The following SAMMSON variants were observed in gnomAD, a reference collection of about 807,000 sequenced individuals.
SAMMSON encodes survival associated mitochondrial melanoma specific oncogenic non-coding RNA.
At chr3:70,324,652 A>C (rs1702566248) in intron 7 of SAMMSON, among the ~76,000 whole-genome samples, 1 of 152,192 alleles carries the variant, frequency 6.6e-6, no homozygotes, top group South Asian at 2.1e-4. Flanking sequence ...TCAGTCAAAA[A>C]TTGAATGCAA....
At chr3:70,222,485 T>C (rs1396092034) in intron 4 of SAMMSON, among the ~76,000 whole-genome samples, 3 of 152,210 alleles carry the variant, frequency 2.0e-5, no homozygotes, top group Admixed American at 6.5e-5. Flanking sequence ...TTTGGATAGG[T>C]TGGTTTTCGG....
intron 7 of SAMMSON, among the ~76,000 whole-genome samples, chr3:70,306,769 G>A (rs1702404995): frequency 6.6e-6 from 1 of 152,026 alleles, no homozygotes; most frequent in South Asian, 2.1e-4. Flanking sequence ...TGAATAAAAT[G>A]TCCCACTAAA....
At chr3:70,383,750 A>G (rs1230060446) in intron 9 of SAMMSON, among the ~76,000 whole-genome samples, 1 of 152,014 alleles carries the variant, frequency 6.6e-6, no homozygotes, top group Non-Finnish European at 1.5e-5. Flanking sequence ...AAAAAGCCTT[A>G]GGCTAACTGT....
intron 9 of SAMMSON, among the ~76,000 whole-genome samples, chr3:70,384,139 G>A (rs1703101081): frequency 6.6e-6 from 1 of 152,020 alleles, no homozygotes; most frequent in African/African-American, 2.4e-5. Context: ...ATCTACACCA[G>A]TCACACTGAG....
intron 4 of SAMMSON, among the ~76,000 whole-genome samples, chr3:70,223,521 G>A (rs564608527): frequency 2.6e-5 from 4 of 152,186 alleles, no homozygotes; most frequent in East Asian, 1.9e-4. Flanking sequence ...GGAAACTAGC[G>A]CAGTGCCTCA....
At chr3:70,024,639 A>G (rs2067030119) in intron 3 of SAMMSON, among the ~76,000 whole-genome samples, 1 of 152,212 alleles carries the variant, frequency 6.6e-6, no homozygotes, top group African/African-American at 2.4e-5. Context: ...TCCTTGAAAG[A>G]TACTTACATG....
intron 3 of SAMMSON, chr3:70,069,357 A>G (rs1392102160): frequency 6.6e-6 from 1 of 152,124 alleles, no homozygotes; most frequent in East Asian, 1.9e-4. Flanking sequence ...ACTGGCCAAG[A>G]GACAGAAAGA....
chr3:70,306,301 C>T (rs568002189), intron 7 of SAMMSON, among the ~76,000 whole-genome samples: 4 of 152,120 alleles, frequency 2.6e-5, no homozygotes, highest in South Asian at 2.1e-4. Flanking sequence ...TTAGTAAAGA[C>T]GGGGTTTCAC....
At chr3:70,389,451 C>T (rs1701024076) in intron 9 of SAMMSON, 1 of 152,102 alleles carries the variant, frequency 6.6e-6, no homozygotes, top group African/African-American at 2.4e-5. Flanking sequence ...ACATAGTTCT[C>T]TTGATCTTCT....
At chr3:70,087,621 A>G (rs1202876015) in intron 4 of SAMMSON, among the ~76,000 whole-genome samples, 2 of 152,158 alleles carry the variant, frequency 1.3e-5, no homozygotes, top group African/African-American at 4.8e-5. Context: ...GACTCAGTAG[A>G]AAACATGAGA....
intron 4 of SAMMSON, among the ~76,000 whole-genome samples, chr3:70,112,589 C>T (rs555768993): frequency 6.6e-6 from 1 of 152,172 alleles, no homozygotes; most frequent in East Asian, 1.9e-4. Flanking sequence ...ATAGTTCACC[C>T]TAATGCCACG....
At chr3:70,003,430 G>A (rs1313807006) in intron 1 of SAMMSON, among the ~76,000 whole-genome samples, 1 of 151,628 alleles carries the variant, frequency 6.6e-6, no homozygotes, top group Non-Finnish European at 1.5e-5. Context: ...AAATTTTATT[G>A]AAGAGTTTTT....
chr3:70,240,297 A>G (rs1701654431), intron 4 of SAMMSON, among the ~76,000 whole-genome samples: 1 of 152,032 alleles, frequency 6.6e-6, no homozygotes, highest in South Asian at 2.1e-4. Flanking sequence ...GGGGAAAAAA[A>G]ACAGTAGCTA....
At chr3:70,018,492 T>C (rs1371017581) in intron 3 of SAMMSON, among the ~76,000 whole-genome samples, 13 of 152,190 alleles carry the variant, frequency 8.5e-5, no homozygotes, top group Admixed American at 5.9e-4. Context: ...TTAGTCTTGC[T>C]AGCAGTCTAT....
downstream of SAMMSON, among the ~76,000 whole-genome samples, chr3:70,390,791 A>G (rs1181513762): frequency 6.6e-6 from 1 of 152,154 alleles, no homozygotes; most frequent in East Asian, 1.9e-4. Context: ...TTTCACAGAA[A>G]ATAGTAAGGT....
At chr3:70,327,659 G>A (rs1262967601) in intron 7 of SAMMSON, among the ~76,000 whole-genome samples, 1 of 152,090 alleles carries the variant, frequency 6.6e-6, no homozygotes, top group Admixed American at 6.6e-5. Flanking sequence ...GCTCACACAG[G>A]GTCCAGAAGA....
intron 4 of SAMMSON, among the ~76,000 whole-genome samples, chr3:70,214,636 G>A (rs1701387398): frequency 6.7e-6 from 1 of 148,906 alleles, no homozygotes; most frequent in Admixed American, 6.7e-5. Flanking sequence ...AACTATTCTG[G>A]ATAATTACTT....
intron 7 of SAMMSON, among the ~76,000 whole-genome samples, chr3:70,321,218 CCAA>C (rs1702536311): frequency 1.3e-5 from 2 of 152,162 alleles, no homozygotes; most frequent in Middle Eastern, 3.4e-3. Context: ...CTGCATCACC[CCAA>C]CATTTCCTCA....
rs181490565 is a variant in SAMMSON, at chr3:70,171,987, G to C, written n.508-77120G>C. Among the ~76,000 whole-genome samples the C allele has an allele frequency of 7.9e-5, 12 of 152,008 alleles. No homozygotes were observed. In the East Asian group the frequency reaches 1.9e-3, roughly 25 times the overall value. On this transcript the variant is annotated intron_variant and non_coding_transcript_variant, in intron 4 of 9. Transcript: ENST00000642114. Reference sequence around the variant, plus strand: ...GTAAGTGATTTGAAAAGTAAGCAGTGATTCAGTCATTTTGTCTCTGGAAAG... The same window carrying C: ...GTAAGTGATTTGAAAAGTAAGCAGTCATTCAGTCATTTTGTCTCTGGAAAG...
Sources: gnomAD v4.1 joint callset for allele counts (sites outside exome capture counted in the v4.1 genomes callset) on GRCh38, gnomAD v4.1.1 for gene constraint, MANE v1.5 for transcripts, NCBI Gene and HGNC (gene_info 2026-07-23, HGNC 2026-07-21) for gene names.